TNFRSF8: variants seen among roughly 807,000 people sequenced by gnomAD.
The protein encoded by TNFRSF8 is TNF receptor superfamily member 8, also known as tumor necrosis factor receptor superfamily member 8.
A neutral mutation model predicts 70.8 loss-of-function variants in TNFRSF8; 26 were observed. That is an observed-to-expected ratio of 0.37 (90% CI 0.27 to 0.51). The LOEUF is 0.51. Among genes scored for constraint, TNFRSF8 ranks in the 20% least tolerant of loss-of-function variants. The pLI is 0.94. For missense variants in TNFRSF8, 720 were observed against 807.9 expected (o/e 0.89, Z 1.32); for synonymous variants, 356 against 339.2 (o/e 1.05, Z -0.54).
Position 12,113,662 on chromosome 1 carries a change from C to CGA in TNFRSF8, c.793+1661_793+1662dup, listed in dbSNP as rs553602284. On this transcript the variant is annotated intron_variant, in intron 7 of 14. Transcript: ENST00000263932. The surrounding 1 kb of genome is among the most constrained non-coding windows in gnomAD (Gnocchi z 4.9). ...CAGAAAGAGAAAGAGACGGAGTGAG[C>CGA]GAGAGAGAGAGAGACAGAAAGACAG... 1.1e-4 allele frequency among the ~76,000 whole-genome samples: 15 copies of CGA among 130,884 alleles called. No individual in the cohort carries two copies. The highest frequency in any genetic ancestry group is 3.2e-4 in the Admixed American group (4 of 12,614). 85.9% of individuals were successfully genotyped at this position (130,884 alleles called of 152,430 possible).
In TNFRSF8 at chr1:12,112,018, A is replaced by G. The variant is rs780877590; in HGVS notation, c.793+4A>G. On this transcript the variant is annotated splice_donor_region_variant and intron_variant, in intron 7 of 14. Transcript: ENST00000263932. This position sits in a 1 kb window ranked among gnomAD's most constrained non-coding sequence, Gnocchi z 5.3. ...GCCTGCGTGAGCTGTTCTCGAGGTA[A>G]GGGCCTCGTCCCTCCCCGGGCCTCA... 5.0e-6 allele frequency: 8 copies of G among 1,610,500 alleles called. No individual in the cohort carries two copies. The East Asian group carries it at 1.3e-4, about 27-fold the overall frequency.
intron 6 of TNFRSF8, 61 bp from the exon 7 acceptor site, chr1:12,111,837 G>A: frequency 7.1e-7 from 1 of 1,407,534 alleles, no homozygotes; most frequent in South Asian, 1.2e-5. Flanking sequence ...TCAGGGTTGG[G>A]TGGGGAGTGA....
chr1:12,092,710 A>G (rs1371778462), intron 2 of TNFRSF8, among the ~76,000 whole-genome samples: 1 of 151,774 alleles, frequency 6.6e-6, no homozygotes, highest in Non-Finnish European at 1.5e-5. Flanking sequence ...GGGTTTCACC[A>G]TGTTAGCGAG....
chr1:12,076,366 C>G (rs1184000129), intron 1 of TNFRSF8, among the ~76,000 whole-genome samples: 1 of 152,210 alleles, frequency 6.6e-6, no homozygotes, highest in Non-Finnish European at 1.5e-5. Flanking sequence ...TCCCAAAGTG[C>G]TGGGATTACA....
chr1:12,114,724 A>C, intron 7 of TNFRSF8, among the ~76,000 whole-genome samples: 1 of 30,264 alleles, frequency 3.3e-5, no homozygotes, highest in Non-Finnish European at 1.4e-4. Context: ...TTTTTTTTTT[A>C]AATAGACAGA....
intron 1 of TNFRSF8, among the ~76,000 whole-genome samples, chr1:12,079,410 C>T (rs1024478221): frequency 3.3e-5 from 5 of 152,154 alleles, no homozygotes; most frequent in South Asian, 2.1e-4. Flanking sequence ...TCCCACTCTT[C>T]GCTTTCTGAT....
intron 1 of TNFRSF8, among the ~76,000 whole-genome samples, chr1:12,080,137 CG>C (rs1641038532): frequency 6.6e-6 from 1 of 151,776 alleles, no homozygotes; most frequent in African/African-American, 2.4e-5. Context: ...TTAGCAGAGA[CG>C]GGGTTTTGCT....
intron 2 of TNFRSF8, among the ~76,000 whole-genome samples, chr1:12,094,766 C>T (rs1363117648): frequency 6.6e-6 from 1 of 151,986 alleles, no homozygotes; most frequent in Non-Finnish European, 1.5e-5. Flanking sequence ...GCTGGGATTA[C>T]AGGAGTGTAC....
At chr1:12,135,310 C>T (rs1405564748) in intron 12 of TNFRSF8, among the ~76,000 whole-genome samples, 2 of 101,526 alleles carry the variant, frequency 2.0e-5, no homozygotes, top group African/African-American at 9.4e-5. Context: ...AGTGAGACTC[C>T]ATCTCAAAAA....
rs768128257 is a variant in TNFRSF8 at position 12,138,414 on chromosome 1, G to A, written c.1521G>A (p.Thr507=). Residue 507 remains threonine (T), a synonymous_variant, in exon 14 of 15, where the codon ACG becomes ACA. Coordinates refer to ENST00000263932, the MANE Select transcript of TNFRSF8 (RefSeq NM_001243.5). The surrounding 1 kb of genome is among the most constrained non-coding windows in gnomAD (Gnocchi z 5.7). ...PRDLPEPRVS[T]EHTNNKIEKI... Reference sequence around the variant, plus strand: ...ACCTTCCTGAGCCCCGGGTGTCCACGGAGCACACCAATAACAAGATTGGTG... The same window carrying A: ...ACCTTCCTGAGCCCCGGGTGTCCACAGAGCACACCAATAACAAGATTGGTG... 62 of 1,612,994 alleles carry A rather than the reference G, an allele frequency of 3.8e-5. No individual in the cohort carries two copies. In the South Asian group the frequency reaches 5.6e-4, roughly 15 times the overall value.
chr1:12,103,842 A>G (rs1641467988), intron 3 of TNFRSF8, among the ~76,000 whole-genome samples: 1 of 152,222 alleles, frequency 6.6e-6, no homozygotes, highest in Non-Finnish European at 1.5e-5. Context: ...GTTAGCATTG[A>G]TGACCTGATA....
rs566562186 is a variant in TNFRSF8, at chr1:12,142,924, C to T, written c.*393C>T. 5 of 183,226 alleles carry T rather than the reference C, an allele frequency of 2.7e-5. No homozygotes were observed. Among genetic ancestry groups the T allele is most frequent in the East Asian group, 1.5e-4 (1 of 6,558 alleles). 11.4% of individuals were successfully genotyped at this position (183,226 alleles called of 1,614,324 possible). On this transcript the variant is annotated 3_prime_UTR_variant, in exon 15 of 15. Transcript: ENST00000263932. This position sits in a 1 kb window ranked among gnomAD's most constrained non-coding sequence, Gnocchi z 5.0. The stretch of plus-strand genomic sequence containing the variant: ...AGGGAGAGGTCGTGAGGCCAGCTCC[C>T]GGGGCCCCTGTAACCCTACTCTCCT...
In TNFRSF8 at chr1:12,110,145, C is replaced by G; in HGVS notation, c.617C>G (p.Ser206Cys). The change falls in exon 6 of 15, where the codon TCT becomes TGT. Residue 206 changes from serine (S) to cysteine (C), a missense_variant. Transcript: ENST00000263932. This position sits in a 1 kb window ranked among gnomAD's most constrained non-coding sequence, Gnocchi z 4.0. The part of the protein sequence containing the change: ...GGTRLAQEAA[S>C]KLTRAPDSPS... Reference sequence around the variant, plus strand: ...ACCCGCCTCGCCCAGGAAGCTGCTTCTAAACTGACGAGGGCTCCCGACTCT... The same window carrying G: ...ACCCGCCTCGCCCAGGAAGCTGCTTGTAAACTGACGAGGGCTCCCGACTCT... The G allele has an allele frequency of 1.9e-6, 3 of 1,613,546 alleles. No homozygotes were observed. Among genetic ancestry groups the G allele is most frequent in the Non-Finnish European group, 2.5e-6 (3 of 1,179,770 alleles).
chr1:12,117,169 G>A (rs1004427351), intron 8 of TNFRSF8, among the ~76,000 whole-genome samples: 1 of 151,826 alleles, frequency 6.6e-6, no homozygotes, highest in Non-Finnish European at 1.5e-5. Flanking sequence ...TGCAACCTCC[G>A]TCTCCCGGGT....
intron 12 of TNFRSF8, 139 bp downstream of exon 12, chr1:12,126,375 A>T: frequency 1.1e-6 from 1 of 949,502 alleles, no homozygotes; most frequent in Non-Finnish European, 1.6e-6. Flanking sequence ...CGCATTCTGT[A>T]CATCTGTAGG....
At chr1:12,132,814 G>C (rs544658944) in intron 12 of TNFRSF8, among the ~76,000 whole-genome samples, 2 of 142,026 alleles carry the variant, frequency 1.4e-5, no homozygotes, top group Non-Finnish European at 3.0e-5. Flanking sequence ...CTCCAGCCTC[G>C]GTGACAGAGC....
In TNFRSF8 at chr1:12,142,136, T is replaced by A. The variant is rs944440154; in HGVS notation, c.1544-151T>A. ...TTCTATTTCCTCTGAGCCCCCAGGA[T>A]GCCTGTAAGGTACATCAGAGAGGCT... is the stretch of plus-strand genomic sequence containing the variant. On this transcript the variant is annotated intron_variant, in intron 14 of 14. Coordinates refer to ENST00000263932, the MANE Select transcript of TNFRSF8 (RefSeq NM_001243.5). The surrounding 1 kb of genome is among the most constrained non-coding windows in gnomAD (Gnocchi z 5.0). 41 of 1,079,012 alleles carry A rather than the reference T, an allele frequency of 3.8e-5. No individual in the cohort carries two copies. The highest frequency in any genetic ancestry group is 5.3e-5 in the Non-Finnish European group (41 of 768,162). 66.8% of individuals were successfully genotyped at this position (1,079,012 alleles called of 1,614,324 possible). A position where few individuals can be genotyped will look rare whatever the true frequency, so the allele number is the denominator to read the frequency against.
intron 2 of TNFRSF8, 151 bp downstream of exon 2, chr1:12,084,702 G>A: frequency 1.4e-6 from 1 of 723,096 alleles, no homozygotes; most frequent in Non-Finnish European, 2.3e-6. Context: ...GTGTCGCGGA[G>A]TCCAAGGACT....
chr1:12,136,895 T>A lies in TNFRSF8; in HGVS notation c.1335+1282T>A, dbSNP rs866735562. The stretch of plus-strand genomic sequence containing the variant: ...CTTTTTTTTTTTTTTTTTTTTTTTT[T>A]AATTTTTTTAGTATTTATTGATCAT... On this transcript the variant is annotated intron_variant, in intron 13 of 14. Transcript: ENST00000263932. Among the ~76,000 whole-genome samples the A allele has an allele frequency of 3.9e-4, 53 of 136,172 alleles. 1 individual carries two copies. The highest frequency in any genetic ancestry group is 6.2e-4 in the East Asian group (3 of 4,876). 89.3% of individuals were successfully genotyped at this position (136,172 alleles called of 152,430 possible).
Sources: allele counts gnomAD v4.1 joint callset (sites outside exome capture counted in the v4.1 genomes callset), GRCh38; gene constraint gnomAD v4.1.1; non-coding constraint Gnocchi (gnomAD v3.1); transcripts MANE v1.5; gene names NCBI Gene and HGNC (gene_info 2026-07-23, HGNC 2026-07-21).